Variants in TTC3 observed in about 807,000 individuals in gnomAD.
TTC3 encodes the protein E3 ubiquitin-protein ligase TTC3.
In TTC3, 180 loss-of-function variants were observed where a neutral mutation model predicts 249.6. That is an observed-to-expected ratio of 0.72 (90% CI 0.64 to 0.82). The LOEUF is 0.82. Ranked by LOEUF, TTC3 falls within the 40% of genes least tolerant of loss-of-function variation. The pLI, the probability that TTC3 is intolerant of heterozygous loss-of-function variation, is 0.00. For missense variants in TTC3, 2,061 were observed against 2,398.4 expected, an observed-to-expected ratio of 0.86 and a Z score of 2.94; for synonymous variants, 717 against 805.0, an observed-to-expected ratio of 0.89 and a Z score of 1.85.
chr21:37,111,410 C>G (rs1168929603), intron 11 of TTC3, among the ~76,000 whole-genome samples: 1 of 152,110 alleles, frequency 6.6e-6, no homozygotes, highest in East Asian at 1.9e-4. Context: ...ATCCTAGTCT[C>G]AGATAAAACA....
At chr21:37,197,846 C>G (rs755041468) in intron 43 of TTC3, 36 bp from the exon 44 acceptor site, 2 of 1,598,776 alleles carry the variant, frequency 1.3e-6, no homozygotes, top group Admixed American at 1.8e-5. Flanking sequence ...TTGCTTCCCT[C>G]TTGTCCCCTC....
chr21:37,106,833 G>A (rs2075124930), intron 10 of TTC3, among the ~76,000 whole-genome samples: 1 of 152,214 alleles, frequency 6.6e-6, no homozygotes, highest in Admixed American at 6.5e-5. Flanking sequence ...TGATGTCAAG[G>A]CTGTAGTGAG....
exon 2 of TTC3, chr21:37,087,344 T>C (rs763107912): frequency 6.2e-7 from 1 of 1,614,088 alleles, no homozygotes; most frequent in South Asian, 1.1e-5. Flanking sequence ...GTGTCTTTGC[T>C]GCTGAATTTA....
At chr21:37,192,491 T>TTG (rs60538841) in intron 41 of TTC3, among the ~76,000 whole-genome samples, 1,556 of 140,662 alleles carry the variant, frequency 0.011, 18 homozygotes, top group African/African-American at 0.027. Context: ...TCTTCTATCT[T>TTG]TGTGTGTGTG....
chr21:37,095,053 T>C (rs376336605), intron 8 of TTC3, among the ~76,000 whole-genome samples: 2 of 151,960 alleles, frequency 1.3e-5, no homozygotes, highest in African/African-American at 4.8e-5. Flanking sequence ...AGAGGATCCC[T>C]TGGGCCTGGG....
intron 15 of TTC3, among the ~76,000 whole-genome samples, chr21:37,128,127 G>A (rs927226811): frequency 6.6e-6 from 1 of 152,178 alleles, no homozygotes; most frequent in African/African-American, 2.4e-5. Context: ...TCCAAAAGCT[G>A]CTTTTGTTTT....
intron 34 of TTC3, among the ~76,000 whole-genome samples, chr21:37,169,496 A>G (rs1047526648): frequency 2.0e-5 from 3 of 151,748 alleles, no homozygotes; most frequent in Non-Finnish European, 4.4e-5. Flanking sequence ...GTGAGCCAAG[A>G]TCACGCCAGT....
In TTC3 at chr21:37,154,758, C is replaced by T. The variant is rs1188077313; in HGVS notation, c.2740+1481C>T. ...TTGCCCAGGCTGGAGTGCAGCGGCG[C>T]GATCTCGGCTCACTGCAAGCTCCGC... On this transcript the variant is annotated intron_variant, in intron 27 of 45. Coordinates refer to ENST00000355666, the Ensembl canonical transcript of TTC3. Among the ~76,000 whole-genome samples the T allele has an allele frequency of 3.3e-5, 5 of 152,028 alleles. No homozygotes were observed. The East Asian group carries it at 5.8e-4, about 18-fold the overall frequency.
rs569846223 is a variant in TTC3, at chr21:37,182,694, G to A, written c.4618-80G>A. ...AGGTCATTGTTTAAGCTATGGCACC[G>A]TCACAATTCTAGCCTTTCAGTCTCT... On this transcript the variant is annotated intron_variant, in intron 35 of 45. Coordinates refer to ENST00000355666, the Ensembl canonical transcript of TTC3. The A allele has an allele frequency of 5.6e-5, 77 of 1,367,690 alleles. No individual in the cohort carries two copies. The South Asian group carries it at 8.8e-4, about 16-fold the overall frequency. 84.7% of individuals were successfully genotyped at this position (1,367,690 alleles called of 1,614,324 possible). A position where few individuals can be genotyped will look rare whatever the true frequency, so the allele number is the denominator to read the frequency against.
At chr21:37,199,002 T>C (rs2085220149) in intron 44 of TTC3, among the ~76,000 whole-genome samples, 1 of 152,226 alleles carries the variant, frequency 6.6e-6, no homozygotes, top group Non-Finnish European at 1.5e-5. Flanking sequence ...TGGAGAGGCC[T>C]TCAATGGCTC....
chr21:37,202,564 T>C (rs1460751252), exon 46 of TTC3: 1 of 152,234 alleles, frequency 6.6e-6, no homozygotes, highest in African/African-American at 2.4e-5. Context: ...TCGTTCTGTG[T>C]TTGATATTTG....
intron 1 of TTC3, 50 bp downstream of exon 1, chr21:37,073,523 A>T: frequency 5.4e-6 from 5 of 924,274 alleles, no homozygotes; most frequent in Non-Finnish European, 6.2e-6. Flanking sequence ...TGAGGTGCCT[A>T]CTGTGTCTGC....
rs533976926 is a variant in TTC3 at position 37,102,922 on chromosome 21, A to G, written c.846-5470A>G. 9.8e-5 allele frequency among the ~76,000 whole-genome samples: 15 copies of G among 152,314 alleles called. No individual in the cohort carries two copies. In the East Asian group the frequency reaches 2.9e-3, roughly 29 times the overall value. ...TGAGGCAAGAGAATTGCTTGAACAC[A>G]GAAGGCAAAGGTTTCAGTGAGCTGA... On this transcript the variant is annotated intron_variant, in intron 10 of 45. Coordinates refer to ENST00000355666, the Ensembl canonical transcript of TTC3.
chr21:37,080,126 C>T (rs1457695697), intron 1 of TTC3, among the ~76,000 whole-genome samples: 1 of 151,994 alleles, frequency 6.6e-6, no homozygotes. Flanking sequence ...ATTCCGATTT[C>T]CTAGTATAAG....
At chr21:37,122,406 TATATATATATATA>T (rs1481970984) in intron 12 of TTC3, among the ~76,000 whole-genome samples, 3 of 130,210 alleles carry the variant, frequency 2.3e-5, no homozygotes, top group Admixed American at 8.4e-5. Context: ...GCGTGCTGAA[TATATATATATATA>T]ATATATATAT....
intron 1 of TTC3, among the ~76,000 whole-genome samples, chr21:37,079,200 A>G (rs937757858): frequency 2.0e-5 from 3 of 152,068 alleles, no homozygotes; most frequent in Admixed American, 2.0e-4. Context: ...GTGTCTGTTT[A>G]TGGCTAGAAT....
intron 34 of TTC3, among the ~76,000 whole-genome samples, chr21:37,172,084 G>T (rs1228023491): frequency 1.3e-5 from 2 of 152,030 alleles, no homozygotes; most frequent in African/African-American, 4.8e-5. Flanking sequence ...GGTTTTTTTT[G>T]TTGTTGTTAA....
chr21:37,162,726 G>A (rs2080879791), intron 31 of TTC3, among the ~76,000 whole-genome samples: 1 of 152,032 alleles, frequency 6.6e-6, no homozygotes, highest in African/African-American at 2.4e-5. Flanking sequence ...ATAATAGCCT[G>A]TCTTAGTCAG....
At chr21:37,073,994 G>C (rs1179885643) in intron 1 of TTC3, among the ~76,000 whole-genome samples, 1 of 152,226 alleles carries the variant, frequency 6.6e-6, no homozygotes, top group East Asian at 1.9e-4. Context: ...TCTCTTGTGT[G>C]CGGATTTAAT....
Sources: gnomAD v4.1 joint callset for allele counts (sites outside exome capture counted in the v4.1 genomes callset) on GRCh38, gnomAD v4.1.1 for gene constraint, MANE v1.5 for transcripts, NCBI Gene and HGNC (gene_info 2026-07-23, HGNC 2026-07-21) for gene names.